The following ZNF716 variants were observed in gnomAD, a reference collection of about 807,000 sequenced individuals.
The protein encoded by ZNF716 is zinc finger protein 716.
In ZNF716, 9 loss-of-function variants were observed where a neutral mutation model predicts 13.4. The ratio of observed to expected loss-of-function variants is 0.67; its 90% CI spans 0.41 to 1.18. ZNF716 has a LOEUF of 1.18. Among genes scored for constraint, ZNF716 ranks in the 50% most tolerant of loss-of-function variants. The pLI, the probability that ZNF716 is intolerant of heterozygous loss-of-function variation, is 0.01. For synonymous variants in ZNF716, 186 were observed against 195.2 expected, an observed-to-expected ratio of 0.95 and a Z score of 0.39; for missense variants, 581 against 576.6, an observed-to-expected ratio of 1.01 and a Z score of -0.08.
chr7:57,451,663 G>T (rs1189159482), intron 1 of ZNF716, among the ~76,000 whole-genome samples: 10 of 151,538 alleles, frequency 6.6e-5, no homozygotes, highest in African/African-American at 2.4e-5. Flanking sequence ...GGCCAGGCTG[G>T]TCTCAAACTC....
At chr7:57,468,289 T>C (rs1158974314) in intron 3 of ZNF716, among the ~76,000 whole-genome samples, 3 of 152,194 alleles carry the variant, frequency 2.0e-5, no homozygotes, top group African/African-American at 7.2e-5. Context: ...CATTTCAAAG[T>C]ATACCAGCAT....
intron 1 of ZNF716, among the ~76,000 whole-genome samples, chr7:57,456,396 G>A (rs1196869683): frequency 6.6e-6 from 1 of 152,124 alleles, no homozygotes; most frequent in Non-Finnish European, 1.5e-5. Context: ...AAGCATAGAT[G>A]GGTCCCTGGG....
chr7:57,467,347 T>A (rs1317817900), intron 3 of ZNF716, among the ~76,000 whole-genome samples: 1 of 151,840 alleles, frequency 6.6e-6, no homozygotes, highest in Non-Finnish European at 1.5e-5. Context: ...TGTATTTTTT[T>A]CATCATGTAA....
chr7:57,455,817 T>C (rs1478308024), intron 1 of ZNF716, among the ~76,000 whole-genome samples: 1 of 152,180 alleles, frequency 6.6e-6, no homozygotes, highest in Non-Finnish European at 1.5e-5. Context: ...CGCGCCTGGC[T>C]GGGGAATTTT....
At chr7:57,461,230 T>C (rs1476306671) in intron 1 of ZNF716, among the ~76,000 whole-genome samples, 1 of 152,092 alleles carries the variant, frequency 6.6e-6, no homozygotes, top group Non-Finnish European at 1.5e-5. Context: ...TAAGCCAAGA[T>C]AGCACCATTG....
chr7:57,468,400 G>T (rs1383081958), intron 3 of ZNF716, among the ~76,000 whole-genome samples: 1 of 152,158 alleles, frequency 6.6e-6, no homozygotes, highest in African/African-American at 2.4e-5. Context: ...AAGCCAGTTT[G>T]CTCCTAAAGA....
rs1237102905 is a variant in ZNF716 at position 57,470,083 on chromosome 7, T to C, written c.*134T>C. ...ACTGCTGTCCATAAGATAATTCATA[T>C]TGGACAAAAGTCTTATAAATGTAAA... On this transcript the variant is annotated 3_prime_UTR_variant, in exon 4 of 4. Coordinates refer to ENST00000420713, the MANE Select transcript of ZNF716 (RefSeq NM_001159279.1). 1.3e-5 allele frequency: 11 copies of C among 877,668 alleles called. No individual in the cohort carries two copies. Among genetic ancestry groups the C allele is most frequent in the South Asian group, 1.1e-4 (5 of 44,208 alleles). The allele number at this position is 877,668 out of a possible 1,614,324, so 54.4% of individuals were successfully genotyped here. A position where few individuals can be genotyped will look rare whatever the true frequency, so the allele number is the denominator to read the frequency against.
intron 1 of ZNF716, among the ~76,000 whole-genome samples, chr7:57,453,987 C>T (rs1554321876): frequency 1.3e-5 from 2 of 152,170 alleles, no homozygotes; most frequent in Non-Finnish European, 2.9e-5. Flanking sequence ...CACCCGCCAC[C>T]ACACCCGGCT....
intron 1 of ZNF716, among the ~76,000 whole-genome samples, chr7:57,460,382 G>T: frequency 8.4e-6 from 1 of 119,060 alleles, no homozygotes. Context: ...GTGATAGAGT[G>T]AGACTGTGTC....
Position 57,469,039 on chromosome 7 carries a change from C to A in ZNF716, c.578C>A (p.Ser193Ter). The change falls in exon 4 of 4, where the codon TCA becomes TAA. Residue 193 changes from serine (S) to a stop codon, truncating the protein, a stop_gained. Coordinates refer to ENST00000420713, the MANE Select transcript of ZNF716 (RefSeq NM_001159279.1). LOFTEE classifies it low-confidence loss of function (END_TRUNC). Reference protein sequence around the residue: ...KHFKCKNDGKSFCMLSRLNQH... With the variant: ...KHFKCKNDGK ...TTCAAATGTAAAAACGATGGCAAAT[C>A]ATTTTGCATGCTTTCACGCCTAAAT... 6.2e-7 allele frequency: 1 copy of A among 1,607,678 alleles called. No homozygotes were observed. The highest frequency in any genetic ancestry group is 1.3e-5 in the African/African-American group (1 of 74,942).
intron 1 of ZNF716, among the ~76,000 whole-genome samples, chr7:57,458,012 A>C (rs1554322354): frequency 6.6e-6 from 1 of 152,182 alleles, no homozygotes; most frequent in East Asian, 1.9e-4. Context: ...ACTGCATCGT[A>C]TTTCATGGTC....
rs1167561959 is a variant in ZNF716, at chr7:57,471,525, G to A, written c.*1576G>A. ...AAAGACAAACATTAAAACATAAAGA[G>A]GATTGTGTAGTACCTTTATTTGTAT... On this transcript the variant is annotated 3_prime_UTR_variant, in exon 4 of 4. Coordinates refer to ENST00000420713, the MANE Select transcript of ZNF716 (RefSeq NM_001159279.1). 6.6e-6 allele frequency: 1 copy of A among 152,082 alleles called. No individual in the cohort carries two copies. Among genetic ancestry groups the A allele is most frequent in the African/African-American group, 2.4e-5 (1 of 41,480 alleles). The allele number at this position is 152,082 out of a possible 1,614,324, so 9.4% of individuals were successfully genotyped here. A position where few individuals can be genotyped will look rare whatever the true frequency, so the allele number is the denominator to read the frequency against.
chr7:57,468,321 T>C (rs1789850413), intron 3 of ZNF716, among the ~76,000 whole-genome samples: 1 of 152,154 alleles, frequency 6.6e-6, no homozygotes, highest in South Asian at 2.1e-4. Context: ...CTTTCTGTCA[T>C]GGAAGAGAGA....
At chr7:57,460,270 C>T in intron 1 of ZNF716, among the ~76,000 whole-genome samples, 1 of 151,568 alleles carries the variant, frequency 6.6e-6, no homozygotes, top group East Asian at 2.0e-4. Context: ...TAGCATGCAC[C>T]TGTAGTCTCA....
Position 57,450,225 on chromosome 7 carries a change from T to C in ZNF716, c.-64T>C. ...GCTCCAGTCCTTCTCTTCACTGCTC[T>C]GCGTCCTCTGCTCCTGGAGGCCAAG... On this transcript the variant is annotated 5_prime_UTR_variant, in exon 1 of 4. Coordinates refer to ENST00000420713, the MANE Select transcript of ZNF716 (RefSeq NM_001159279.1). 6.2e-7 allele frequency: 1 copy of C among 1,610,608 alleles called. No homozygotes were observed.
Position 57,452,480 on chromosome 7 carries a change from C to CAA in ZNF716, c.39+2161_39+2162dup, listed in dbSNP as rs71065114. Among the ~76,000 whole-genome samples, 161 of 149,412 alleles carry CAA rather than the reference C, an allele frequency of 1.1e-3. 1 individual carries two copies. The highest frequency in any genetic ancestry group is 1.5e-3 in the South Asian group (7 of 4,708). Reference sequence around the variant, plus strand: ...TGAAACCCCATCTCTACTAAAAATGCAAAAAAAAATAACCGGGCGTGGTGG... The same window carrying CAA: ...TGAAACCCCATCTCTACTAAAAATGCAAAAAAAAAAATAACCGGGCGTGGTGG... On this transcript the variant is annotated intron_variant, in intron 1 of 3. Transcript: ENST00000420713.
intron 1 of ZNF716, among the ~76,000 whole-genome samples, chr7:57,457,948 G>A (rs1789633079): frequency 6.6e-6 from 1 of 152,160 alleles, no homozygotes; most frequent in South Asian, 2.1e-4. Context: ...AAAAATAACA[G>A]TCTTCAGCTC....
Position 57,469,300 on chromosome 7 carries a change from G to T in ZNF716, c.839G>T (p.Arg280Leu), listed in dbSNP as rs782129349. The T allele has an allele frequency of 2.5e-6, 4 of 1,587,162 alleles. No homozygotes were observed. The highest frequency in any genetic ancestry group is 1.7e-6 in the Non-Finnish European group (2 of 1,165,058). The change falls in exon 4 of 4, where the codon CGC becomes CTC. Residue 280 changes from arginine to leucine, a missense_variant. Coordinates refer to ENST00000420713, the MANE Select transcript of ZNF716 (RefSeq NM_001159279.1). ...TCEERGKVFS[R>L]STLTNYKRIH... The stretch of plus-strand genomic sequence containing the variant: ...GAAGAACGTGGCAAAGTCTTTAGCC[G>T]CTCAACACTTACTAACTACAAGAGA...
At chr7:57,451,840 C>G (rs962979235) in intron 1 of ZNF716, among the ~76,000 whole-genome samples, 69 of 150,606 alleles carry the variant, frequency 4.6e-4, no homozygotes, top group Non-Finnish European at 6.2e-4. Flanking sequence ...GATCTTGCCT[C>G]ACTACAACCT....
Sources: allele counts gnomAD v4.1 joint callset (sites outside exome capture counted in the v4.1 genomes callset), GRCh38; gene constraint gnomAD v4.1.1; transcripts MANE v1.5; gene names NCBI Gene and HGNC (gene_info 2026-07-23, HGNC 2026-07-21).